The following CFAP20DC variants were observed in gnomAD, a reference collection of about 807,000 sequenced individuals.
CFAP20DC encodes the protein CFAP20 domain containing, also known as protein CFAP20DC.
Under a neutral mutation model 101.7 loss-of-function variants are expected in CFAP20DC, and 84 were observed. The ratio of observed to expected loss-of-function variants is 0.83; its 90% CI spans 0.69 to 0.99. The LOEUF (loss-of-function observed/expected upper bound fraction) is 0.99, where lower values mean the gene tolerates loss of function less well. Among genes scored for constraint, CFAP20DC ranks in the 50% least tolerant of loss-of-function variants. The pLI is 0.00. For missense variants in CFAP20DC, 1,007 were observed against 970.3 expected (o/e 1.04, Z -0.50); for synonymous variants, 359 against 351.2 (o/e 1.02, Z -0.25).
chr3:58,767,046 G>A (rs561231855), intron 15 of CFAP20DC, among the ~76,000 whole-genome samples: 47 of 152,218 alleles, frequency 3.1e-4, no homozygotes, highest in South Asian at 2.5e-3. Context: ...GATGAATGTC[G>A]CAACCCCATT....
chr3:58,977,728 T>TAA (rs57717110), intron 4 of CFAP20DC, among the ~76,000 whole-genome samples: 9 of 116,494 alleles, frequency 7.7e-5, no homozygotes, highest in Admixed American at 2.6e-4. Flanking sequence ...AGTGGCGAAG[T>TAA]AAAAAAAAAA....
intron 13 of CFAP20DC, among the ~76,000 whole-genome samples, chr3:58,832,762 T>C (rs974926187): frequency 1.3e-5 from 2 of 152,208 alleles, no homozygotes; most frequent in Admixed American, 6.5e-5. Flanking sequence ...TATTATTTCA[T>C]GGTATAGGTG....
intron 4 of CFAP20DC, among the ~76,000 whole-genome samples, chr3:59,019,814 G>A (rs933531335): frequency 6.6e-6 from 1 of 152,056 alleles, no homozygotes; most frequent in Admixed American, 6.6e-5. Context: ...GGATAGCTAA[G>A]GGTCTGCAAG....
chr3:58,802,521 G>C (rs972073379), intron 15 of CFAP20DC, among the ~76,000 whole-genome samples: 1 of 152,228 alleles, frequency 6.6e-6, no homozygotes, highest in Non-Finnish European at 1.5e-5. Context: ...ATCAGTTAGT[G>C]TGTTAGGAAA....
chr3:59,041,998 T>G (rs181160144), intron 3 of CFAP20DC, among the ~76,000 whole-genome samples: 2 of 152,258 alleles, frequency 1.3e-5, no homozygotes, highest in East Asian at 3.9e-4. Flanking sequence ...TTAGAATTTA[T>G]ATTCTAGCTC....
In CFAP20DC at chr3:58,869,254, G is replaced by A; in HGVS notation, c.1015+74C>T. ...TTAAGATCTAGACTTGAATATAACT[G>A]CTGATTTATCTTAACAAGAACATTT... On this transcript the variant is annotated intron_variant, in intron 9 of 16. Transcript: ENST00000482387. This position sits in a 1 kb window ranked among gnomAD's most constrained non-coding sequence, Gnocchi z 4.3. 8.3e-7 allele frequency: 1 copy of A among 1,200,492 alleles called. No individual in the cohort carries two copies. The highest frequency in any genetic ancestry group is 1.2e-6 in the Non-Finnish European group (1 of 857,498). The allele number at this position is 1,200,492 out of a possible 1,614,324, so 74.4% of individuals were successfully genotyped here.
At chr3:58,879,339 G>C (rs2081044244) in intron 7 of CFAP20DC, among the ~76,000 whole-genome samples, 2 of 152,098 alleles carry the variant, frequency 1.3e-5, no homozygotes, top group African/African-American at 4.8e-5. Flanking sequence ...TCATAAAAAG[G>C]GTGATTATGA....
chr3:58,888,540 T>C (rs950283726), intron 6 of CFAP20DC, among the ~76,000 whole-genome samples: 8 of 152,168 alleles, frequency 5.3e-5, no homozygotes, highest in African/African-American at 1.9e-4. Context: ...ATCCATTAGG[T>C]ATACTTCCTG....
chr3:58,740,683 A>T (rs1321540172), downstream of CFAP20DC, among the ~76,000 whole-genome samples: 1 of 150,390 alleles, frequency 6.6e-6, no homozygotes, highest in Admixed American at 6.6e-5. The surrounding 1 kb of genome is among the most constrained non-coding windows in gnomAD (Gnocchi z 4.6). Flanking sequence ...CTGTATCCTA[A>T]TTTTTTTTTT....
intron 4 of CFAP20DC, among the ~76,000 whole-genome samples, chr3:59,026,565 C>T (rs1049126937): frequency 1.3e-5 from 2 of 152,254 alleles, no homozygotes; most frequent in East Asian, 1.9e-4. Context: ...CTAATGTCAT[C>T]GTGACCTAAA....
chr3:58,991,123 T>C (rs1281450072), intron 4 of CFAP20DC, among the ~76,000 whole-genome samples: 1 of 152,220 alleles, frequency 6.6e-6, no homozygotes, highest in Non-Finnish European at 1.5e-5. Flanking sequence ...TCATGAACAC[T>C]TGAATGAATC....
chr3:58,716,512 G>T (rs994859259), downstream of CFAP20DC, among the ~76,000 whole-genome samples: 1 of 152,056 alleles, frequency 6.6e-6, no homozygotes, highest in African/African-American at 2.4e-5. Context: ...AGCTCAGATC[G>T]CATGGTAACA....
At chr3:58,985,513 T>C (rs1382478051) in intron 4 of CFAP20DC, among the ~76,000 whole-genome samples, 1 of 152,146 alleles carries the variant, frequency 6.6e-6, no homozygotes, top group African/African-American at 2.4e-5. Context: ...AGAATAAAAT[T>C]AAAAAATCGG....
Position 59,047,214 on chromosome 3 carries a change from T to C in CFAP20DC, c.62A>G (p.Asn21Ser). The C allele has an allele frequency of 6.5e-7, 1 of 1,535,286 alleles. No individual in the cohort carries two copies. Among genetic ancestry groups the C allele is most frequent in the Non-Finnish European group, 8.7e-7 (1 of 1,146,256 alleles). The change falls in exon 2 of 17, where the codon AAT becomes AGT. Residue 21 changes from asparagine (N) to serine (S), a missense_variant. Physicochemically the swap from Asn to Ser is conservative, Grantham distance 46 (BLOSUM62 1). Coordinates refer to ENST00000482387, the MANE Select transcript of CFAP20DC (RefSeq NM_001394063.1). ...FVEIFSAQGK[N>S]PGAKWKILGS... The stretch of plus-strand genomic sequence containing the variant: ...AAGGATCTTCCATTTTGCTCCAGGA[T>C]TTTTTCCTTGAGCACTGAAAATTTC...
rs1056618493 is a variant in CFAP20DC at position 58,884,795 on chromosome 3, T to G, written c.551-86A>C. The G allele has an allele frequency of 7.0e-6, 8 of 1,142,838 alleles. No individual in the cohort carries two copies. In the East Asian group the frequency reaches 1.2e-4, roughly 17 times the overall value. 70.8% of individuals were successfully genotyped at this position (1,142,838 alleles called of 1,614,324 possible). On this transcript the variant is annotated intron_variant, in intron 6 of 16. Transcript: ENST00000482387. ...TCATATAAATGAAATCAATTAAAAT[T>G]AAAGATTTTAGCGTATGACTTTGTA...
At chr3:58,949,242 G>T (rs1320762546) in intron 4 of CFAP20DC, among the ~76,000 whole-genome samples, 2 of 152,080 alleles carry the variant, frequency 1.3e-5, no homozygotes, top group Non-Finnish European at 2.9e-5. Context: ...CCAGCTCCTG[G>T]ATTCATCGAT....
chr3:58,870,424 C>A, intron 7 of CFAP20DC, 115 bp from the exon 8 acceptor site: 1 of 967,614 alleles, frequency 1.0e-6, no homozygotes, highest in Admixed American at 1.9e-5. Context: ...TCCCCCCTCC[C>A]CCCTCAGCAT....
chr3:58,945,057 A>G (rs1024888293), intron 4 of CFAP20DC, among the ~76,000 whole-genome samples: 3 of 152,230 alleles, frequency 2.0e-5, no homozygotes, highest in African/African-American at 7.2e-5. Flanking sequence ...TAAGCACTCT[A>G]TATACTTTAT....
At chr3:58,821,795 G>A (rs1451459877) in intron 14 of CFAP20DC, among the ~76,000 whole-genome samples, 3 of 144,128 alleles carry the variant, frequency 2.1e-5, no homozygotes, top group Non-Finnish European at 4.6e-5. Context: ...CCATTACTGG[G>A]TATATACCCA....
Sources: gnomAD v4.1 joint callset for allele counts (sites outside exome capture counted in the v4.1 genomes callset) on GRCh38, gnomAD v4.1.1 for gene constraint, Gnocchi (gnomAD v3.1) non-coding constraint, MANE v1.5 for transcripts, NCBI Gene and HGNC (gene_info 2026-07-23, HGNC 2026-07-21) for gene names.